Variants in GHR observed in about 807,000 individuals in gnomAD.
The protein encoded by GHR is growth hormone receptor, also known as GH receptor.
In GHR, 35 loss-of-function variants were observed where a neutral mutation model predicts 67.1. The observed-to-expected ratio is 0.52, with a 90% CI of 0.40 to 0.69. GHR has a LOEUF of 0.69. Ranked by LOEUF, GHR falls within the 30% of genes least tolerant of loss-of-function variation. The pLI is 0.00. For missense variants in GHR, 792 were observed against 764.6 expected, an observed-to-expected ratio of 1.04 and a Z score of -0.42; for synonymous variants, 272 against 269.1, an observed-to-expected ratio of 1.01 and a Z score of -0.10.
intron 1 of GHR, among the ~76,000 whole-genome samples, chr5:42,556,948 T>G (rs1749344226): frequency 6.6e-6 from 1 of 152,232 alleles, no homozygotes; most frequent in Non-Finnish European, 1.5e-5. Flanking sequence ...CAGGTTCTTG[T>G]AACTCAGTTG....
intron 1 of GHR, among the ~76,000 whole-genome samples, chr5:42,563,021 G>C (rs1749704917): frequency 6.6e-6 from 1 of 152,186 alleles, no homozygotes; most frequent in Non-Finnish European, 1.5e-5. Context: ...TTGGAGGAAG[G>C]TCATCTTCTA....
chr5:42,710,385 T>TG (rs5867599), intron 6 of GHR, among the ~76,000 whole-genome samples: 114,900 of 151,804 alleles, frequency 0.76, 43,855 homozygotes, highest in East Asian at 1. Context: ...AAAAAAAGTA[T>TG]AAAAGCACAT....
intron 1 of GHR, among the ~76,000 whole-genome samples, chr5:42,557,205 G>T (rs1749356606): frequency 6.6e-6 from 1 of 152,022 alleles, no homozygotes; most frequent in South Asian, 2.1e-4. Flanking sequence ...GCACAAATAG[G>T]CTGTATTATT....
intron 3 of GHR, among the ~76,000 whole-genome samples, chr5:42,655,998 T>A (rs1349538090): frequency 6.6e-6 from 1 of 152,216 alleles, no homozygotes; most frequent in Non-Finnish European, 1.5e-5. Context: ...TACATGAATC[T>A]TTTTAACTCA....
intron 2 of GHR, among the ~76,000 whole-genome samples, chr5:42,580,578 C>T (rs1210414130): frequency 2.0e-5 from 3 of 152,108 alleles, no homozygotes; most frequent in African/African-American, 7.2e-5. Context: ...TTTGTGATCT[C>T]TCTGGCTAGA....
chr5:42,688,828 C>T (rs1295266899), intron 3 of GHR, 62 bp from the exon 4 acceptor site: 3 of 1,475,814 alleles, frequency 2.0e-6, no homozygotes, highest in Admixed American at 1.7e-5. Flanking sequence ...AGATACGTGT[C>T]TCATTAGGAT....
chr5:42,622,531 C>T (rs1165293085), intron 2 of GHR, among the ~76,000 whole-genome samples: 1 of 152,068 alleles, frequency 6.6e-6, no homozygotes, highest in Non-Finnish European at 1.5e-5. Context: ...GTAGAGTGAC[C>T]AGGGACTTAG....
chr5:42,710,046 T>TA (rs60038212), intron 6 of GHR, among the ~76,000 whole-genome samples: 276 of 148,710 alleles, frequency 1.9e-3, no homozygotes, highest in African/African-American at 6.3e-3. Context: ...ACATAGGCTT[T>TA]AAAAAAAAAA....
At chr5:42,658,655 C>T (rs1232717684) in intron 3 of GHR, among the ~76,000 whole-genome samples, 1 of 151,940 alleles carries the variant, frequency 6.6e-6, no homozygotes, top group Non-Finnish European at 1.5e-5. Flanking sequence ...TTTTTTCCCC[C>T]CAGGGGACAT....
intron 1 of GHR, among the ~76,000 whole-genome samples, chr5:42,545,419 T>TG (rs1748694046): frequency 6.6e-6 from 1 of 152,200 alleles, no homozygotes; most frequent in South Asian, 2.1e-4. Context: ...TTCGGTTTTC[T>TG]TTAGATATTT....
At chr5:42,504,690 C>T (rs376389371) in intron 1 of GHR, among the ~76,000 whole-genome samples, 2 of 152,072 alleles carry the variant, frequency 1.3e-5, no homozygotes, top group South Asian at 2.1e-4. Flanking sequence ...ACCCAGGAGG[C>T]GGAGGTTGCA....
At chr5:42,626,660 T>G (rs941528725) in intron 2 of GHR, among the ~76,000 whole-genome samples, 3 of 152,190 alleles carry the variant, frequency 2.0e-5, no homozygotes, top group Non-Finnish European at 4.4e-5. Flanking sequence ...CCTGAGGCTC[T>G]CCAGGAGCCC....
At chr5:42,545,164 A>G (rs1251064225) in intron 1 of GHR, among the ~76,000 whole-genome samples, 2 of 152,134 alleles carry the variant, frequency 1.3e-5, no homozygotes, top group Admixed American at 6.6e-5. Flanking sequence ...ACCGGCCTGA[A>G]TCAGTCAACA....
chr5:42,716,783 C>T (rs1758745412), intron 8 of GHR, among the ~76,000 whole-genome samples: 1 of 151,992 alleles, frequency 6.6e-6, no homozygotes, highest in African/African-American at 2.4e-5. Context: ...TTGCTTATTA[C>T]TTGGATTAGG....
At chr5:42,432,171 C>T (rs982574137) in intron 1 of GHR, among the ~76,000 whole-genome samples, 1 of 152,158 alleles carries the variant, frequency 6.6e-6, no homozygotes, top group Non-Finnish European at 1.5e-5. Flanking sequence ...CTTTAGAATA[C>T]AGTATATTAA....
intron 2 of GHR, among the ~76,000 whole-genome samples, chr5:42,602,946 A>G (rs1056362883): frequency 6.6e-6 from 1 of 152,106 alleles, no homozygotes; most frequent in African/African-American, 2.4e-5. Context: ...AGTATTCTGT[A>G]TTATTTTTTA....
intron 8 of GHR, among the ~76,000 whole-genome samples, chr5:42,717,669 G>A (rs1321866562): frequency 6.6e-6 from 1 of 152,026 alleles, no homozygotes; most frequent in Non-Finnish European, 1.5e-5. Flanking sequence ...ACAAATTACT[G>A]ATGAGATGTA....
chr5:42,667,654 G>C (rs527778915), intron 3 of GHR, among the ~76,000 whole-genome samples: 223 of 152,276 alleles, frequency 1.5e-3, no homozygotes, highest in Non-Finnish European at 1.7e-3. Flanking sequence ...GGAGGCCTTA[G>C]CTAGCGGTCA....
intron 1 of GHR, among the ~76,000 whole-genome samples, chr5:42,552,809 G>A (rs1043957004): frequency 6.6e-6 from 1 of 152,194 alleles, no homozygotes; most frequent in Non-Finnish European, 1.5e-5. Flanking sequence ...TCATGAGGGA[G>A]AGCATCATCA....
Sources: gnomAD v4.1 joint callset for allele counts (sites outside exome capture counted in the v4.1 genomes callset) on GRCh38, gnomAD v4.1.1 for gene constraint, MANE v1.5 for transcripts, NCBI Gene and HGNC (gene_info 2026-07-23, HGNC 2026-07-21) for gene names.